Variants in SRGAP1 observed in about 807,000 individuals in gnomAD.
SRGAP1 encodes the protein SLIT-ROBO Rho GTPase-activating protein 1.
A neutral mutation model predicts 121.9 loss-of-function variants in SRGAP1; 43 were observed. The ratio of observed to expected loss-of-function variants is 0.35; its 90% confidence interval spans 0.28 to 0.46. The LOEUF is 0.46. Ranked by LOEUF, SRGAP1 falls within the 20% of genes least tolerant of loss-of-function variation. SRGAP1 has a pLI of 1.00. For synonymous variants in SRGAP1, 447 were observed against 485.4 expected (o/e 0.92, Z 1.04); for missense variants, 1,102 against 1,350.9 (o/e 0.82, Z 2.89).
chr12:63,851,363 T>A (rs537080501), intron 1 of SRGAP1, among the ~76,000 whole-genome samples: 2 of 151,920 alleles, frequency 1.3e-5, no homozygotes, highest in Non-Finnish European at 2.9e-5. Flanking sequence ...GAGGCAGAGA[T>A]GGAAGGATCA....
chr12:63,863,078 A>G (rs1360624818), intron 1 of SRGAP1, among the ~76,000 whole-genome samples: 1 of 152,088 alleles, frequency 6.6e-6, no homozygotes, highest in Admixed American at 6.6e-5. Context: ...TTTCACTTTT[A>G]TTTACTTCAT....
chr12:63,944,608 C>A (rs974796009), intron 1 of SRGAP1, among the ~76,000 whole-genome samples: 16 of 152,178 alleles, frequency 1.1e-4, no homozygotes, highest in African/African-American at 3.4e-4. Flanking sequence ...ACCCCTCCTG[C>A]ACAGTTGGGC....
intron 4 of SRGAP1, among the ~76,000 whole-genome samples, chr12:64,039,996 T>C (rs2034982565): frequency 6.6e-6 from 1 of 152,196 alleles, no homozygotes; most frequent in African/African-American, 2.4e-5. Flanking sequence ...AGCCCTTACT[T>C]TGTTCTGGCT....
In SRGAP1 at chr12:64,126,052, G is replaced by A; in HGVS notation, c.2300G>A (p.Gly767Asp). ...GCCAGAGAACTATCCTTCAAGAAGG[G>A]TGCCTCCCTGCTGCTGTATCACCGT... Reference protein sequence around the residue: ...RSARELSFKKGASLLLYHRAS... With the variant: ...RSARELSFKKDASLLLYHRAS... The change falls in exon 19 of 22, where the codon GGT becomes GAT. Residue 767 changes from glycine (G) to aspartate (D), a missense_variant. Coordinates refer to ENST00000355086, the MANE Select transcript of SRGAP1 (RefSeq NM_020762.4). 2 of 1,614,200 alleles carry A rather than the reference G, an allele frequency of 1.2e-6. No individual in the cohort carries two copies. The highest frequency in any genetic ancestry group is 1.7e-6 in the Non-Finnish European group (2 of 1,180,030).
At position 64,147,388 on chromosome 12, in the gene SRGAP1, CCCACT is replaced by C. The variant is rs2037070455; in HGVS notation, c.*4718_*4722del. On this transcript the variant is annotated 3_prime_UTR_variant, in exon 22 of 22. Coordinates refer to ENST00000355086, the MANE Select transcript of SRGAP1 (RefSeq NM_020762.4). The stretch of plus-strand genomic sequence containing the variant: ...CACCTCCTCCTCCCAATTCCTGCTG[CCCACT>C]CGAGTGTTTCGAAGCTTCCTCCCTG... 1 of 211,692 alleles carries C rather than the reference CCCACT, an allele frequency of 4.7e-6. No individual in the cohort carries two copies. The highest frequency in any genetic ancestry group is 1.6e-3 in the Middle Eastern group (1 of 634). 13.1% of individuals were successfully genotyped at this position (211,692 alleles called of 1,614,324 possible). A position where few individuals can be genotyped will look rare whatever the true frequency, so the allele number is the denominator to read the frequency against.
intron 1 of SRGAP1, among the ~76,000 whole-genome samples, chr12:63,899,032 A>G (rs907704214): frequency 6.6e-6 from 1 of 152,166 alleles, no homozygotes; most frequent in Non-Finnish European, 1.5e-5. Context: ...CTAAAGTATG[A>G]TATGCCATAC....
At chr12:64,024,860 C>T (rs751100913) in intron 4 of SRGAP1, among the ~76,000 whole-genome samples, 1 of 152,170 alleles carries the variant, frequency 6.6e-6, no homozygotes, top group South Asian at 2.1e-4. Context: ...CACTCACTAT[C>T]ATGAGAACAG....
At chr12:64,011,945 C>CA (rs1281277685) in intron 3 of SRGAP1, among the ~76,000 whole-genome samples, 2 of 151,888 alleles carry the variant, frequency 1.3e-5, no homozygotes, top group Admixed American at 6.6e-5. Context: ...ACATAAAATA[C>CA]AAAAATTAGC....
chr12:64,142,321 T>C lies in SRGAP1; in HGVS notation c.2907T>C (p.Ala969=). 1 of 1,614,070 alleles carries C rather than the reference T, an allele frequency of 6.2e-7. No individual in the cohort carries two copies. Among genetic ancestry groups the C allele is most frequent in the Non-Finnish European group, 8.5e-7 (1 of 1,179,944 alleles). Residue 969 remains alanine, a synonymous_variant, in exon 22 of 22, where the codon GCT becomes GCC. Transcript: ENST00000355086. The part of the protein sequence containing the change: ...AQDIEETMNT[A]LNELRELERQ... ...ATATTGAAGAAACGATGAACACAGC[T>C]TTGAATGAACTCCGAGAACTGGAGA... is the stretch of plus-strand genomic sequence containing the variant.
At chr12:64,031,174 C>T (rs549177277) in intron 4 of SRGAP1, among the ~76,000 whole-genome samples, 1 of 151,756 alleles carries the variant, frequency 6.6e-6, no homozygotes, top group Non-Finnish European at 1.5e-5. Flanking sequence ...AAAAGTTAGC[C>T]GGGTGTGGTG....
Position 64,159,746 on chromosome 12 carries a change from T to C in SRGAP1, c.*17074T>C, listed in dbSNP as rs2037196570. The C allele has an allele frequency of 6.6e-6, 1 of 152,232 alleles. No homozygotes were observed. The highest frequency in any genetic ancestry group is 2.4e-5 in the African/African-American group (1 of 41,452). 9.4% of individuals were successfully genotyped at this position (152,232 alleles called of 1,614,324 possible). On this transcript the variant is annotated 3_prime_UTR_variant, in exon 22 of 22. Transcript: ENST00000355086. Reference sequence around the variant, plus strand: ...TCCCGTTAAGATGGCAGAGCTGTAATGCTAGAAAAGCACAGACTGTTAAGT... The same window carrying C: ...TCCCGTTAAGATGGCAGAGCTGTAACGCTAGAAAAGCACAGACTGTTAAGT...
At chr12:64,114,061 A>G (rs1326293393) in intron 17 of SRGAP1, among the ~76,000 whole-genome samples, 1 of 152,134 alleles carries the variant, frequency 6.6e-6, no homozygotes, top group Non-Finnish European at 1.5e-5. Flanking sequence ...GTATGGTCAT[A>G]TGCCTTAAGA....
intron 1 of SRGAP1, among the ~76,000 whole-genome samples, chr12:63,904,619 A>G (rs562096115): frequency 3.7e-4 from 57 of 152,338 alleles, no homozygotes; most frequent in African/African-American, 1.4e-3. Flanking sequence ...CACATGTTCA[A>G]AATCCACAAG....
chr12:64,070,794 G>A (rs948819834), intron 8 of SRGAP1, among the ~76,000 whole-genome samples: 1 of 152,176 alleles, frequency 6.6e-6, no homozygotes, highest in South Asian at 2.1e-4. Flanking sequence ...AGATATTTCA[G>A]TTATACTTCC....
At chr12:63,990,361 G>C (rs1162901795) in intron 3 of SRGAP1, among the ~76,000 whole-genome samples, 2 of 152,064 alleles carry the variant, frequency 1.3e-5, no homozygotes, top group Admixed American at 6.5e-5. Flanking sequence ...GTGAAACCCT[G>C]TCTCTACTAA....
chr12:64,097,977 A>C (rs1453518906), intron 15 of SRGAP1, among the ~76,000 whole-genome samples: 1 of 152,172 alleles, frequency 6.6e-6, no homozygotes. Context: ...TATACAAAGG[A>C]AGGTGAAAAT....
Position 64,142,661 on chromosome 12 carries a change from T to C in SRGAP1, c.3247T>C (p.Cys1083Arg). ...PPPQGPTDKS[C>R]TM Reference sequence around the variant, plus strand: ...TCCCCAGGGTCCAACAGACAAGTCATGCACAATGTAAAAACCAGCCAAGCA... The same window carrying C: ...TCCCCAGGGTCCAACAGACAAGTCACGCACAATGTAAAAACCAGCCAAGCA... The change falls in exon 22 of 22, where the codon TGC becomes CGC. Residue 1083 changes from cysteine (C) to arginine (R), a missense_variant. By Grantham distance (180) the Cys-to-Arg change is radical. Around this residue, in one of 3 missense-constraint regions of SRGAP1, gnomAD observed 315 missense variants for 343.1 expected, o/e 0.92. Transcript: ENST00000355086. 3 of 1,609,270 alleles carry C rather than the reference T, an allele frequency of 1.9e-6. No individual in the cohort carries two copies. In the South Asian group the frequency reaches 3.3e-5, roughly 18 times the overall value.
At chr12:63,908,166 ATT>A (rs553195857) in intron 1 of SRGAP1, among the ~76,000 whole-genome samples, 2 of 145,264 alleles carry the variant, frequency 1.4e-5, no homozygotes. Flanking sequence ...TCTTTTCAAG[ATT>A]TTTTTTTTTT....
chr12:63,977,469 A>T (rs1455861709), intron 1 of SRGAP1, among the ~76,000 whole-genome samples: 1 of 152,222 alleles, frequency 6.6e-6, no homozygotes, highest in African/African-American at 2.4e-5. Context: ...TCATTCAGTA[A>T]TATATTAGAG....
Sources: gnomAD v4.1 joint callset for allele counts (sites outside exome capture counted in the v4.1 genomes callset) on GRCh38, gnomAD v4.1.1 for gene constraint, gnomAD v4.1.1 regional missense constraint, MANE v1.5 for transcripts, NCBI Gene and HGNC (gene_info 2026-07-23, HGNC 2026-07-21) for gene names.